SAMD12: variants seen among roughly 807,000 people sequenced by gnomAD.
SAMD12 encodes the protein sterile alpha motif domain containing 12, also known as sterile alpha motif domain-containing protein 12.
Under a neutral mutation model 15.0 loss-of-function variants are expected in SAMD12, and 9 were observed. That is an observed-to-expected ratio of 0.60 (90% confidence interval 0.36 to 1.05). SAMD12 has a LOEUF of 1.05. Among genes scored for constraint, SAMD12 ranks in the 50% least tolerant of loss-of-function variants. SAMD12 has a pLI of 0.01. For synonymous variants in SAMD12, 86 were observed against 90.1 expected (o/e 0.96, Z 0.25); for missense variants, 230 against 234.2 (o/e 0.98, Z 0.12).
chr8:118,195,338 C>A (rs1819529025), exon 5 of SAMD12: 1 of 152,222 alleles, frequency 6.6e-6, no homozygotes, highest in Non-Finnish European at 1.5e-5. Context: ...CTTCATCAGA[C>A]TCAACTGTGT....
chr8:118,452,725 A>G (rs780720584), intron 2 of SAMD12, among the ~76,000 whole-genome samples: 7 of 152,212 alleles, frequency 4.6e-5, no homozygotes, highest in Non-Finnish European at 8.8e-5. Flanking sequence ...TTTAAAAAAT[A>G]AGTTATCCCA....
intron 4 of SAMD12, among the ~76,000 whole-genome samples, chr8:118,265,179 T>C (rs925036784): frequency 1.3e-5 from 2 of 152,158 alleles, no homozygotes; most frequent in South Asian, 2.1e-4. Flanking sequence ...AGGTGGCTAA[T>C]TGGTAAAGCA....
chr8:118,381,223 C>G (rs991713032), intron 3 of SAMD12, among the ~76,000 whole-genome samples: 1 of 152,026 alleles, frequency 6.6e-6, no homozygotes, highest in African/African-American at 2.4e-5. Context: ...CTTGGATGTG[C>G]GGTGGTTGGG....
At chr8:118,457,575 C>T (rs914175835) in intron 2 of SAMD12, among the ~76,000 whole-genome samples, 18 of 152,054 alleles carry the variant, frequency 1.2e-4, no homozygotes, top group African/African-American at 4.3e-4. Flanking sequence ...ACTTAACAAG[C>T]CAGACTGGTT....
At chr8:118,411,451 G>A (rs902590362) in intron 3 of SAMD12, among the ~76,000 whole-genome samples, 1 of 152,146 alleles carries the variant, frequency 6.6e-6, no homozygotes, top group African/African-American at 2.4e-5. Flanking sequence ...TAACATGTCA[G>A]AAGATTTAAG....
chr8:118,475,411 G>C (rs926867461), intron 2 of SAMD12, among the ~76,000 whole-genome samples: 1 of 152,132 alleles, frequency 6.6e-6, no homozygotes, highest in East Asian at 1.9e-4. Context: ...TTCCTGTGCA[G>C]CCTGCAGAAC....
At chr8:118,456,431 T>C (rs1823252758) in intron 2 of SAMD12, among the ~76,000 whole-genome samples, 1 of 152,224 alleles carries the variant, frequency 6.6e-6, no homozygotes, top group Non-Finnish European at 1.5e-5. Flanking sequence ...TACAACATTC[T>C]CTGCACTTAG....
chr8:118,595,462 C>A (rs1305782523), intron 1 of SAMD12, among the ~76,000 whole-genome samples: 2 of 152,152 alleles, frequency 1.3e-5, no homozygotes, highest in Admixed American at 1.3e-4. Context: ...AATATGACAG[C>A]CATTAAAACA....
intron 2 of SAMD12, among the ~76,000 whole-genome samples, chr8:118,449,627 G>A (rs759030962): frequency 2.0e-5 from 3 of 150,934 alleles, no homozygotes; most frequent in South Asian, 2.1e-4. Context: ...ATGAAACCCC[G>A]TCTCTACTAA....
At chr8:118,540,524 G>GA in intron 2 of SAMD12, among the ~76,000 whole-genome samples, 1 of 152,138 alleles carries the variant, frequency 6.6e-6, no homozygotes, top group Admixed American at 6.6e-5. Context: ...TTGGCTATGT[G>GA]AAAATCACCC....
intron 4 of SAMD12, among the ~76,000 whole-genome samples, chr8:118,285,265 G>T (rs1813916544): frequency 6.6e-6 from 1 of 152,028 alleles, no homozygotes; most frequent in South Asian, 2.1e-4. Context: ...ACTGCACAGT[G>T]GGTACCCATG....
intron 2 of SAMD12, among the ~76,000 whole-genome samples, chr8:118,552,207 G>A (rs373587003): frequency 6.6e-4 from 100 of 151,962 alleles, no homozygotes; most frequent in Middle Eastern, 3.4e-3. Flanking sequence ...TACCAAAGCC[G>A]GGCAGAGACA....
downstream of SAMD12, among the ~76,000 whole-genome samples, chr8:118,188,325 TG>T (rs967083848): frequency 5.3e-5 from 8 of 152,100 alleles, no homozygotes; most frequent in Non-Finnish European, 1.5e-5. Context: ...AAATGTTAAC[TG>T]ACAAAAAGGT....
At chr8:118,305,346 C>G (rs550895684) in intron 4 of SAMD12, among the ~76,000 whole-genome samples, 12 of 152,048 alleles carry the variant, frequency 7.9e-5, no homozygotes, top group Non-Finnish European at 1.6e-4. Flanking sequence ...CCATTTCCAT[C>G]AATTTGCCTA....
chr8:118,293,750 G>A (rs181580560), intron 4 of SAMD12, among the ~76,000 whole-genome samples: 21 of 152,106 alleles, frequency 1.4e-4, no homozygotes, highest in Non-Finnish European at 8.8e-5. Flanking sequence ...CCCTACTCTC[G>A]GGGCTCAAAG....
intron 2 of SAMD12, among the ~76,000 whole-genome samples, chr8:118,574,031 G>C (rs756772344): frequency 5.9e-5 from 9 of 152,212 alleles, no homozygotes; most frequent in Non-Finnish European, 1.2e-4. Context: ...AGTGATGTCA[G>C]AGAATGTGAC....
intron 2 of SAMD12, among the ~76,000 whole-genome samples, chr8:118,536,918 T>C (rs549235859): frequency 6.6e-6 from 1 of 152,372 alleles, no homozygotes; most frequent in African/African-American, 2.4e-5. Flanking sequence ...TTCTTTCAGA[T>C]TAAAGATTCA....
intron 3 of SAMD12, among the ~76,000 whole-genome samples, chr8:118,399,502 G>C (rs1024577326): frequency 1.3e-5 from 2 of 152,042 alleles, no homozygotes; most frequent in Non-Finnish European, 2.9e-5. Flanking sequence ...TGCATCCAAC[G>C]ACTGGTAGAT....
At chr8:118,452,207 C>T (rs1382574355) in intron 2 of SAMD12, among the ~76,000 whole-genome samples, 3 of 152,068 alleles carry the variant, frequency 2.0e-5, no homozygotes, top group Non-Finnish European at 2.9e-5. Flanking sequence ...GGAGAAAATA[C>T]ATTTTGTTGT....
Sources: gnomAD v4.1 joint callset for allele counts (sites outside exome capture counted in the v4.1 genomes callset) on GRCh38, gnomAD v4.1.1 for gene constraint, MANE v1.5 for transcripts, NCBI Gene and HGNC (gene_info 2026-07-23, HGNC 2026-07-21) for gene names.